SLC26A7: variants seen among roughly 807,000 people sequenced by gnomAD.
The protein encoded by SLC26A7 is anion exchange transporter.
SLC26A7 carries 59 observed loss-of-function variants against 82.5 expected under a neutral mutation model. The observed-to-expected ratio is 0.72, with a 90% CI of 0.58 to 0.89. SLC26A7 has a LOEUF of 0.89. SLC26A7 is among the 40% of genes least tolerant of loss of function. The pLI is 0.00. For missense variants in SLC26A7, 820 were observed against 793.0 expected, an observed-to-expected ratio of 1.03 and a Z score of -0.41; for synonymous variants, 271 against 274.3, an observed-to-expected ratio of 0.99 and a Z score of 0.12.
At chr8:91,272,763 C>T (rs867796467) in intron 2 of SLC26A7, among the ~76,000 whole-genome samples, 19 of 152,200 alleles carry the variant, frequency 1.2e-4, no homozygotes, top group Middle Eastern at 6.8e-3. Context: ...TTTTAGAAGG[C>T]GATGGAGAGC....
chr8:91,354,737 T>C (rs1813814251), intron 11 of SLC26A7, among the ~76,000 whole-genome samples: 1 of 152,018 alleles, frequency 6.6e-6, no homozygotes, highest in South Asian at 2.1e-4. Flanking sequence ...ATTAAAGATA[T>C]TGTATTTGTT....
chr8:91,308,325 T>A (rs1363292177), intron 4 of SLC26A7, among the ~76,000 whole-genome samples: 1 of 151,906 alleles, frequency 6.6e-6, no homozygotes, highest in Non-Finnish European at 1.5e-5. Flanking sequence ...AAATTTACCA[T>A]CTTAACCATT....
At chr8:91,315,641 C>A (rs763165704) in intron 4 of SLC26A7, among the ~76,000 whole-genome samples, 3 of 152,126 alleles carry the variant, frequency 2.0e-5, no homozygotes, top group Non-Finnish European at 2.9e-5. Context: ...CCCCCATATT[C>A]TTTTCTTTAT....
In SLC26A7 at chr8:91,338,157, C is replaced by A; in HGVS notation, c.803C>A (p.Ala268Asp). The change falls in exon 7 of 19, where the codon GCT (alanine) becomes GAT (aspartate). Residue 268 changes from alanine to aspartate, a missense_variant. Ala to Asp is a moderately radical substitution (Grantham distance 126). Transcript: ENST00000276609. ...VLPVDLVLII[A>D]ASFACYCTNM... ...TCAAATGGAACCACACAGATTATTG[C>A]TGCATCATTTGCTTGTTATTGCACC... 1 of 1,607,836 alleles carries A rather than the reference C, an allele frequency of 6.2e-7. No individual in the cohort carries two copies. Among genetic ancestry groups the A allele is most frequent in the Non-Finnish European group, 8.5e-7 (1 of 1,177,680 alleles).
chr8:91,228,646 T>C lies in SLC26A7; in HGVS notation c.-34+9641T>C, dbSNP rs182435079. Among the ~76,000 whole-genome samples the C allele has an allele frequency of 5.2e-3, 716 of 136,988 alleles. 7 individuals are homozygous for C. Among genetic ancestry groups the C allele is most frequent in the African/African-American group, 0.02 (690 of 35,306 alleles). 89.9% of individuals were successfully genotyped at this position (136,988 alleles called of 152,430 possible). On this transcript the variant is annotated intron_variant, in intron 2 of 5. Coordinates refer to the SLC26A7 transcript ENST00000522862. ...TTTGGAGAGAGAGGAAGAAAGTGAG[T>C]GTATTGGAAAGTAGGGAAGCTGGAT...
chr8:91,264,382 G>A (rs887684286), intron 2 of SLC26A7, among the ~76,000 whole-genome samples: 2 of 152,124 alleles, frequency 1.3e-5, no homozygotes, highest in South Asian at 2.1e-4. Flanking sequence ...CAGCACAGAT[G>A]TATCCCTGGA....
intron 14 of SLC26A7, among the ~76,000 whole-genome samples, chr8:91,368,941 A>G (rs916168234): frequency 1.3e-5 from 2 of 152,238 alleles, no homozygotes; most frequent in Non-Finnish European, 2.9e-5. Flanking sequence ...CTTAAAATAC[A>G]TACGCTGTAG....
intron 2 of SLC26A7, among the ~76,000 whole-genome samples, chr8:91,274,696 T>C (rs1276413661): frequency 6.6e-6 from 1 of 152,182 alleles, no homozygotes; most frequent in Non-Finnish European, 1.5e-5. Context: ...ATTCAAACCA[T>C]AGCAGAGTTG....
At chr8:91,282,777 A>T (rs1368606704) in intron 2 of SLC26A7, among the ~76,000 whole-genome samples, 4 of 152,310 alleles carry the variant, frequency 2.6e-5, no homozygotes, top group Non-Finnish European at 2.9e-5. Flanking sequence ...ACTTTGTCAC[A>T]TGTGTCCTTT....
At chr8:91,272,004 A>T (rs1811285773) in intron 2 of SLC26A7, among the ~76,000 whole-genome samples, 2 of 151,044 alleles carry the variant, frequency 1.3e-5, no homozygotes, top group Non-Finnish European at 3.0e-5. Context: ...GAGTGTCAGG[A>T]TCTACAAGAA....
chr8:91,214,701 C>T (rs553081623), intron 1 of SLC26A7, among the ~76,000 whole-genome samples: 1 of 152,258 alleles, frequency 6.6e-6, no homozygotes, highest in South Asian at 2.1e-4. Context: ...GGGAGGGCTG[C>T]CATTGTTATG....
intron 2 of SLC26A7, among the ~76,000 whole-genome samples, chr8:91,269,303 T>G (rs1405289298): frequency 2.0e-5 from 3 of 152,120 alleles, no homozygotes; most frequent in Non-Finnish European, 2.9e-5. Context: ...TCATCTTGTT[T>G]GTGTGGTAGT....
At chr8:91,317,987 T>A (rs566578669) in intron 4 of SLC26A7, among the ~76,000 whole-genome samples, 1,783 of 144,576 alleles carry the variant, frequency 0.012, 35 homozygotes, top group African/African-American at 0.043. Flanking sequence ...ACAAAAAAAA[T>A]AAAATAAAAT....
At chr8:91,216,288 A>C (rs1247792057) in intron 1 of SLC26A7, among the ~76,000 whole-genome samples, 1 of 152,150 alleles carries the variant, frequency 6.6e-6, no homozygotes, top group Admixed American at 6.6e-5. Flanking sequence ...TTGCAATAAG[A>C]GCCAACCTAA....
At chr8:91,371,245 G>A (rs937185557) in intron 15 of SLC26A7, among the ~76,000 whole-genome samples, 2 of 151,784 alleles carry the variant, frequency 1.3e-5, no homozygotes, top group Admixed American at 6.6e-5. Flanking sequence ...TTATTAATAA[G>A]AGGAAGTCAA....
At chr8:91,311,722 G>C (rs3964630) in intron 4 of SLC26A7, among the ~76,000 whole-genome samples, 12 of 152,110 alleles carry the variant, frequency 7.9e-5, no homozygotes, top group Admixed American at 7.9e-4. Context: ...TTTCTCCAGA[G>C]GATTCTGTGG....
At chr8:91,237,675 C>T (rs1810411291) in intron 2 of SLC26A7, among the ~76,000 whole-genome samples, 2 of 152,052 alleles carry the variant, frequency 1.3e-5, no homozygotes, top group South Asian at 2.1e-4. Flanking sequence ...CCTTTAAAAA[C>T]CTCAAGCTTT....
intron 8 of SLC26A7, among the ~76,000 whole-genome samples, chr8:91,341,614 G>A (rs909390921): frequency 2.6e-5 from 4 of 152,188 alleles, no homozygotes; most frequent in Admixed American, 1.3e-4. Flanking sequence ...AGCAGGCACT[G>A]GTCTAGGTAC....
chr8:91,274,349 G>A (rs1811349505), intron 2 of SLC26A7, among the ~76,000 whole-genome samples: 1 of 152,244 alleles, frequency 6.6e-6, no homozygotes, highest in South Asian at 2.1e-4. Flanking sequence ...GTAATGGACA[G>A]AAATTTATTG....
Sources: allele counts gnomAD v4.1 joint callset (sites outside exome capture counted in the v4.1 genomes callset), GRCh38; gene constraint gnomAD v4.1.1; transcripts MANE v1.5; gene names NCBI Gene and HGNC (gene_info 2026-07-23, HGNC 2026-07-21).